The following COX7B2 variants were observed in gnomAD, a reference collection of about 807,000 sequenced individuals.
COX7B2 encodes cytochrome c oxidase subunit 7B2, mitochondrial.
For synonymous variants in COX7B2, 37 were observed against 32.1 expected, an observed-to-expected ratio of 1.15 and a Z score of -0.51; for missense variants, 109 against 95.9, an observed-to-expected ratio of 1.14 and a Z score of -0.57.
chr4:46,850,045 C>A (rs1393145997), intron 1 of COX7B2, among the ~76,000 whole-genome samples: 1 of 151,530 alleles, frequency 6.6e-6, no homozygotes, highest in African/African-American at 2.4e-5. Context: ...GTGGTAAATT[C>A]TAGTAAGAAT....
At chr4:46,758,265 G>A (rs1386035648) in intron 2 of COX7B2, among the ~76,000 whole-genome samples, 2 of 69,036 alleles carry the variant, frequency 2.9e-5, no homozygotes, top group East Asian at 1.3e-3. Context: ...ACTTTCTAAT[G>A]AGGTATAGAG....
chr4:46,853,265 G>A (rs1041906098), intron 1 of COX7B2, among the ~76,000 whole-genome samples: 2 of 151,952 alleles, frequency 1.3e-5, no homozygotes, highest in Non-Finnish European at 2.9e-5. Context: ...CAGTATATAC[G>A]CTAAAAACAA....
chr4:46,764,778 T>A (rs1032985693), intron 2 of COX7B2, among the ~76,000 whole-genome samples: 1 of 150,828 alleles, frequency 6.6e-6, no homozygotes, highest in African/African-American at 2.4e-5. Flanking sequence ...TTATGTAAGC[T>A]CCATAGTAAC....
chr4:46,872,197 T>A (rs1718035306), intron 1 of COX7B2, among the ~76,000 whole-genome samples: 1 of 152,164 alleles, frequency 6.6e-6, no homozygotes, highest in Non-Finnish European at 1.5e-5. Flanking sequence ...TGGAGGCTAT[T>A]ATCCTCATAA....
chr4:46,838,022 T>A (rs1265693723), intron 2 of COX7B2, among the ~76,000 whole-genome samples: 1 of 152,052 alleles, frequency 6.6e-6, no homozygotes, highest in Non-Finnish European at 1.5e-5. Context: ...AGAACTTAAA[T>A]CTAGAAAACA....
intron 2 of COX7B2, among the ~76,000 whole-genome samples, chr4:46,798,075 C>T (rs1179851492): frequency 6.6e-6 from 1 of 152,152 alleles, no homozygotes; most frequent in Non-Finnish European, 1.5e-5. Context: ...TTAATTGGAA[C>T]TAGTGAGCAA....
chr4:46,775,465 T>C (rs920823684), intron 2 of COX7B2, among the ~76,000 whole-genome samples: 42 of 152,182 alleles, frequency 2.8e-4, no homozygotes, highest in Admixed American at 2.6e-3. Flanking sequence ...ATATGACACA[T>C]TACTGTGCAC....
At chr4:46,820,563 A>G (rs1354842171) in intron 2 of COX7B2, among the ~76,000 whole-genome samples, 6 of 152,038 alleles carry the variant, frequency 3.9e-5, no homozygotes, top group African/African-American at 1.2e-4. Context: ...CACAGTGGCT[A>G]ACGCCTGTAA....
intron 2 of COX7B2, among the ~76,000 whole-genome samples, chr4:46,780,550 T>G (rs1717394627): frequency 6.6e-6 from 1 of 152,184 alleles, no homozygotes; most frequent in African/African-American, 2.4e-5. Context: ...AAACCACTGC[T>G]ATCAGATCCC....
chr4:46,837,930 A>T (rs1286011003), intron 2 of COX7B2, among the ~76,000 whole-genome samples: 1 of 152,068 alleles, frequency 6.6e-6, no homozygotes, highest in Admixed American at 6.6e-5. Context: ...CAATCTAAAA[A>T]CTAAGGTCGA....
intron 2 of COX7B2, among the ~76,000 whole-genome samples, chr4:46,773,241 C>G (rs1010571577): frequency 6.6e-6 from 1 of 152,092 alleles, no homozygotes; most frequent in African/African-American, 2.4e-5. Flanking sequence ...TTCCCATAAT[C>G]CCCACATGTC....
chr4:46,836,333 T>C (rs548870770), intron 2 of COX7B2, among the ~76,000 whole-genome samples: 2 of 152,114 alleles, frequency 1.3e-5, no homozygotes, highest in South Asian at 2.1e-4. Flanking sequence ...ATTCTATACG[T>C]TTTTTTCTCT....
chr4:46,804,638 A>T (rs1183174234), intron 2 of COX7B2, among the ~76,000 whole-genome samples: 1 of 152,234 alleles, frequency 6.6e-6, no homozygotes, highest in Non-Finnish European at 1.5e-5. Flanking sequence ...AGCTAGACAC[A>T]GGGTGCTGCT....
intron 2 of COX7B2, among the ~76,000 whole-genome samples, chr4:46,808,135 T>C (rs1025620074): frequency 5.3e-5 from 8 of 151,900 alleles, no homozygotes; most frequent in African/African-American, 1.9e-4. Flanking sequence ...TTCAACAATA[T>C]TAACTCTTCT....
intron 1 of COX7B2, among the ~76,000 whole-genome samples, chr4:46,887,439 C>A (rs1365142386): frequency 6.6e-6 from 1 of 152,128 alleles, no homozygotes; most frequent in African/African-American, 2.4e-5. Context: ...TGGCCGGGCA[C>A]AGTGGCTCAC....
At chr4:46,745,959 C>T (rs941594306) in intron 2 of COX7B2, among the ~76,000 whole-genome samples, 4 of 152,068 alleles carry the variant, frequency 2.6e-5, no homozygotes, top group African/African-American at 7.2e-5. Context: ...ACTAAATTAA[C>T]ATAATCATCT....
At chr4:46,886,224 CA>C (rs1719074343) in intron 1 of COX7B2, among the ~76,000 whole-genome samples, 1 of 152,052 alleles carries the variant, frequency 6.6e-6, no homozygotes, top group Admixed American at 6.5e-5. Flanking sequence ...CACTCAAAAA[CA>C]AAATGTAGAA....
chr4:46,835,283 A>C (rs1255498578), intron 2 of COX7B2, among the ~76,000 whole-genome samples: 1 of 152,192 alleles, frequency 6.6e-6, no homozygotes, highest in East Asian at 1.9e-4. Context: ...AAAGGTAGGC[A>C]CAAGGCTATA....
Position 46,858,387 on chromosome 4 carries a change from G to C in COX7B2, c.-104-13373C>G, listed in dbSNP as rs146712098. Among the ~76,000 whole-genome samples, 215 of 152,212 alleles carry C rather than the reference G, an allele frequency of 1.4e-3. 1 individual carries two copies. Among genetic ancestry groups the C allele is most frequent in the Middle Eastern group, 3.4e-3 (1 of 294 alleles). On this transcript the variant is annotated intron_variant, in intron 1 of 2. Coordinates refer to ENST00000355591, the MANE Select transcript of COX7B2 (RefSeq NM_130902.3). ...TGGGATTACAGGCATGAGCCACCAC[G>C]CTTGGCCACATCGCTTATATTTTAA... is the stretch of plus-strand genomic sequence containing the variant.
Sources: allele counts gnomAD v4.1 joint callset (sites outside exome capture counted in the v4.1 genomes callset), GRCh38; gene constraint gnomAD v4.1.1; transcripts MANE v1.5; gene names NCBI Gene and HGNC (gene_info 2026-07-23, HGNC 2026-07-21).